TTC23: variants seen among roughly 807,000 people sequenced by gnomAD.
TTC23 encodes the protein tetratricopeptide repeat protein 23.
Under a neutral mutation model 55.1 loss-of-function variants are expected in TTC23, and 58 were observed. The observed-to-expected ratio is 1.05, with a 90% CI of 0.85 to 1.31. The LOEUF (loss-of-function observed/expected upper bound fraction) is 1.31. Ranked by LOEUF, TTC23 falls within the 50% of genes most tolerant of loss-of-function variation. The pLI, the probability that TTC23 is intolerant of heterozygous loss-of-function variation, is 0.00. For missense variants in TTC23, 516 were observed against 534.4 expected (o/e 0.97, Z 0.34); for synonymous variants, 203 against 199.9 (o/e 1.02, Z -0.13).
intron 1 of TTC23, among the ~76,000 whole-genome samples, chr15:99,246,539 T>C (rs1597082658): frequency 7.1e-6 from 1 of 140,082 alleles, no homozygotes; most frequent in African/African-American, 2.7e-5. Flanking sequence ...CGCTTGAACC[T>C]AGGAGGCAGA....
chr15:99,186,806 A>G (rs977845556), intron 9 of TTC23, among the ~76,000 whole-genome samples: 15 of 152,172 alleles, frequency 9.9e-5, no homozygotes, highest in Non-Finnish European at 4.4e-5. Flanking sequence ...ATGAAAGAAG[A>G]GCTAAGTAAA....
intron 9 of TTC23, among the ~76,000 whole-genome samples, chr15:99,178,641 C>T (rs764906094): frequency 6.6e-6 from 1 of 152,214 alleles, no homozygotes; most frequent in African/African-American, 2.4e-5. Flanking sequence ...TGCAGATTTA[C>T]AGACACTGCC....
chr15:99,222,337 C>T (rs537989192), intron 5 of TTC23, among the ~76,000 whole-genome samples: 3 of 152,154 alleles, frequency 2.0e-5, no homozygotes, highest in African/African-American at 7.2e-5. Context: ...TACAATGGCA[C>T]GATATCAGCT....
chr15:99,231,658 A>G (rs1432577642), intron 4 of TTC23, among the ~76,000 whole-genome samples: 1 of 151,278 alleles, frequency 6.6e-6, no homozygotes, highest in African/African-American at 2.4e-5. Flanking sequence ...ATACCCGGCT[A>G]TTTTTTTGTA....
At chr15:99,226,793 C>T (rs1055799840) in intron 5 of TTC23, among the ~76,000 whole-genome samples, 7 of 152,128 alleles carry the variant, frequency 4.6e-5, no homozygotes, top group African/African-American at 1.4e-4. Flanking sequence ...TCCTGGAGGC[C>T]CTCCCTGATC....
intron 9 of TTC23, among the ~76,000 whole-genome samples, chr15:99,196,201 A>G (rs1461601509): frequency 6.6e-6 from 1 of 152,128 alleles, no homozygotes; most frequent in Non-Finnish European, 1.5e-5. Flanking sequence ...TAAAAAATTA[A>G]AGTAAATTTG....
intron 10 of TTC23, among the ~76,000 whole-genome samples, chr15:99,170,539 G>C (rs1489066174): frequency 3.9e-5 from 6 of 152,174 alleles, no homozygotes; most frequent in Non-Finnish European, 1.5e-5. Context: ...GATCCAGCCA[G>C]GACTTCTGAA....
rs897426378 is a variant in TTC23 at position 99,175,183 on chromosome 15, T to G, written c.760-28A>C. ...GTCACCACAGAAAGAAGAAACATGT[T>G]GTTTACATACTTGGCAGCAGCAGCA... On this transcript the variant is annotated intron_variant, in intron 9 of 13. Coordinates refer to ENST00000394132, the MANE Select transcript of TTC23 (RefSeq NM_001288615.3). The G allele has an allele frequency of 2.5e-6, 4 of 1,587,584 alleles. No homozygotes were observed. In the East Asian group the frequency reaches 8.9e-5, roughly 36 times the overall value.
chr15:99,226,084 G>C (rs1034147054), intron 5 of TTC23, among the ~76,000 whole-genome samples: 3 of 152,202 alleles, frequency 2.0e-5, no homozygotes, highest in African/African-American at 7.2e-5. Flanking sequence ...TCAAGATCAT[G>C]AAAAACAAAG....
At chr15:99,248,733 G>C (rs2080476529) in intron 1 of TTC23, among the ~76,000 whole-genome samples, 1 of 152,158 alleles carries the variant, frequency 6.6e-6, no homozygotes, top group Non-Finnish European at 1.5e-5. Flanking sequence ...CCCCTATATG[G>C]ATTAACACAG....
intron 9 of TTC23, among the ~76,000 whole-genome samples, chr15:99,190,223 T>C (rs2075118213): frequency 6.6e-6 from 1 of 150,712 alleles, no homozygotes; most frequent in South Asian, 2.1e-4. Flanking sequence ...CTGGCTTTGA[T>C]AGCTGTATTG....
chr15:99,218,475 C>G, intron 8 of TTC23, 113 bp downstream of exon 8: 7 of 1,391,746 alleles, frequency 5.0e-6, no homozygotes, highest in Non-Finnish European at 4.0e-6. Flanking sequence ...ACAGTGACCT[C>G]CAGAGAAGCC....
At chr15:99,210,532 T>A (rs1295768518) in intron 8 of TTC23, among the ~76,000 whole-genome samples, 1 of 152,144 alleles carries the variant, frequency 6.6e-6, no homozygotes, top group African/African-American at 2.4e-5. Flanking sequence ...AGGAGAAACA[T>A]GTCTGCTGGA....
intron 9 of TTC23, among the ~76,000 whole-genome samples, chr15:99,194,760 A>G (rs2151977350): frequency 6.6e-6 from 1 of 152,226 alleles, no homozygotes; most frequent in Admixed American, 6.5e-5. Flanking sequence ...ACATGGAGAA[A>G]CCCCGTCTCT....
intron 2 of TTC23, among the ~76,000 whole-genome samples, chr15:99,242,008 G>A (rs913502719): frequency 6.6e-6 from 1 of 151,920 alleles, no homozygotes; most frequent in East Asian, 1.9e-4. Context: ...GGTGGCGCTC[G>A]GCTTCTCCAG....
chr15:99,175,230 A>T, intron 9 of TTC23, 75 bp from the exon 10 acceptor site: 1 of 1,222,492 alleles, frequency 8.2e-7, no homozygotes, highest in Non-Finnish European at 1.2e-6. Context: ...GTCCTTGCAG[A>T]GATAAGCAGA....
At chr15:99,157,493 C>A (rs1030047224) in intron 11 of TTC23, 3 of 151,956 alleles carry the variant, frequency 2.0e-5, no homozygotes, top group African/African-American at 7.2e-5. Flanking sequence ...ATTACAGGCG[C>A]GAGCCACAAT....
At chr15:99,155,944 T>C in intron 12 of TTC23, 1 of 606,634 alleles carries the variant, frequency 1.6e-6, no homozygotes, top group Non-Finnish European at 2.8e-6. Context: ...TGATAATTCA[T>C]TTAAAAAATA....
At chr15:99,233,232 C>A (rs767072615) in intron 4 of TTC23, among the ~76,000 whole-genome samples, 2 of 152,088 alleles carry the variant, frequency 1.3e-5, no homozygotes, top group African/African-American at 4.8e-5. Flanking sequence ...GTTCTAATCA[C>A]AAAAAGTGAT....
Sources: gnomAD v4.1 joint callset for allele counts (sites outside exome capture counted in the v4.1 genomes callset) on GRCh38, gnomAD v4.1.1 for gene constraint, MANE v1.5 for transcripts, NCBI Gene and HGNC (gene_info 2026-07-23, HGNC 2026-07-21) for gene names.